SDC3: variants seen among roughly 807,000 people sequenced by gnomAD.
SDC3 encodes syndecan 3, also known as syndecan-3.
In SDC3, 13 loss-of-function variants were observed where a neutral mutation model predicts 24.4. The observed-to-expected ratio is 0.53, with a 90% confidence interval of 0.35 to 0.85. The LOEUF is 0.85. Among genes scored for constraint, SDC3 ranks in the 40% least tolerant of loss-of-function variants. SDC3 has a pLI of 0.01. For missense variants in SDC3, 571 were observed against 584.5 expected, an observed-to-expected ratio of 0.98 and a Z score of 0.24; for synonymous variants, 295 against 260.9, an observed-to-expected ratio of 1.13 and a Z score of -1.26.
rs1639498486 is a variant in SDC3, at chr1:30,869,659, T to C, written c.*3552A>G. ...TTTTTTCCACTGTCTTTTTCTTTTG[T>C]TTTTCTTATTTAAGGTTTTGGCCAT... is the stretch of plus-strand genomic sequence containing the variant. On this transcript the variant is annotated 3_prime_UTR_variant, in exon 5 of 5. Transcript: ENST00000339394. The C allele has an allele frequency of 2.5e-6, 1 of 398,458 alleles. No individual in the cohort carries two copies. Among genetic ancestry groups the C allele is most frequent in the Non-Finnish European group, 4.4e-6 (1 of 226,082 alleles). The allele number at this position is 398,458 out of a possible 1,614,324, so 24.7% of individuals were successfully genotyped here.
At chr1:30,907,561 C>G (rs540599026) in intron 1 of SDC3, among the ~76,000 whole-genome samples, 1 of 152,314 alleles carries the variant, frequency 6.6e-6, no homozygotes, top group South Asian at 2.1e-4. Context: ...CACACCCTCA[C>G]CCACTGCAGC....
chr1:30,896,749 G>A (rs536153029), intron 1 of SDC3, among the ~76,000 whole-genome samples: 1 of 152,250 alleles, frequency 6.6e-6, no homozygotes, highest in East Asian at 1.9e-4. Flanking sequence ...ATCATTTGAG[G>A]CCAGTAGTTC....
In SDC3 at chr1:30,876,974, C is replaced by G; in HGVS notation, c.448G>C (p.Glu150Gln). 3 of 1,613,718 alleles carry G rather than the reference C, an allele frequency of 1.9e-6. No homozygotes were observed. The highest frequency in any genetic ancestry group is 2.5e-6 in the Non-Finnish European group (3 of 1,179,946). Residue 150 changes from glutamate (E) to glutamine (Q), a missense_variant, in exon 3 of 5, where the codon GAA (glutamate) becomes CAA (glutamine). Glu to Gln is a conservative substitution (Grantham distance 29). Transcript: ENST00000339394. ...TSPLVVTEVP[E>Q]EPSQRATTVS... The stretch of plus-strand genomic sequence containing the variant: ...GTGGTGGCTCTCTGGCTGGGCTCTT[C>G]CGGGACTTCTGTCACCACCAGGGGG...
intron 3 of SDC3, among the ~76,000 whole-genome samples, 200 bp from the exon 4 acceptor site, chr1:30,874,788 C>T (rs1319890677): frequency 3.4e-4 from 51 of 152,214 alleles, no homozygotes; most frequent in Admixed American, 3.3e-3. Context: ...ATGACCTGCC[C>T]AAGGACACAC....
At chr1:30,903,203 G>A (rs773030920) in intron 1 of SDC3, among the ~76,000 whole-genome samples, 8 of 152,130 alleles carry the variant, frequency 5.3e-5, no homozygotes, top group African/African-American at 1.2e-4. Context: ...GGAGGAACAC[G>A]GATTTGGCCT....
At position 30,876,712 on chromosome 1, in the gene SDC3, G is replaced by T; in HGVS notation, c.710C>A (p.Ala237Asp). The T allele has an allele frequency of 1.9e-6, 3 of 1,598,276 alleles. No homozygotes were observed. The highest frequency in any genetic ancestry group is 2.6e-6 in the Non-Finnish European group (3 of 1,171,652). Reference sequence around the variant, plus strand: ...TGTTGGGGCCTCGGTGTCCAAGACAGCCGCCGTGGTGGGCGGGGAGGGCGC... The same window carrying T: ...TGTTGGGGCCTCGGTGTCCAAGACATCCGCCGTGGTGGGCGGGGAGGGCGC... ...PEAPSPPTTA[A>D]VLDTEAPTPR... The change falls in exon 3 of 5, where the codon GCT becomes GAT. Residue 237 changes from alanine (A) to aspartate (D), a missense_variant. By Grantham distance (126) the Ala-to-Asp change is moderately radical. Coordinates refer to ENST00000339394, the MANE Select transcript of SDC3 (RefSeq NM_014654.4).
intron 1 of SDC3, among the ~76,000 whole-genome samples, chr1:30,900,837 C>T (rs1014656753): frequency 2.0e-5 from 3 of 151,980 alleles, no homozygotes; most frequent in Non-Finnish European, 4.4e-5. Flanking sequence ...ATGGGGGGGT[C>T]CTAGCTGGCA....
intron 3 of SDC3, among the ~76,000 whole-genome samples, chr1:30,875,484 G>A (rs1292648954): frequency 1.3e-5 from 2 of 152,154 alleles, no homozygotes; most frequent in Admixed American, 1.3e-4. Context: ...GAGTCAGAGG[G>A]ACTGACACTG....
chr1:30,887,285 G>A (rs1639844141), intron 1 of SDC3, among the ~76,000 whole-genome samples: 1 of 151,990 alleles, frequency 6.6e-6, no homozygotes, highest in Non-Finnish European at 1.5e-5. Flanking sequence ...CGCTCCTGGG[G>A]CCCAGGAGTC....
At position 30,893,523 on chromosome 1, in the gene SDC3, G is replaced by A. The variant is rs939956203; in HGVS notation, c.139-14783C>T. Among the ~76,000 whole-genome samples the A allele has an allele frequency of 7.2e-5, 11 of 151,868 alleles. No homozygotes were observed. The East Asian group carries it at 1.4e-3, about 19-fold the overall frequency. On this transcript the variant is annotated intron_variant, in intron 1 of 4. Coordinates refer to ENST00000339394, the MANE Select transcript of SDC3 (RefSeq NM_014654.4). Reference sequence around the variant, plus strand: ...CCAGCACCCTTAATGCCCAGCTCACGCGTCCCCTCCTCATGGAGGCGTCCC... The same window carrying A: ...CCAGCACCCTTAATGCCCAGCTCACACGTCCCCTCCTCATGGAGGCGTCCC...
At position 30,897,707 on chromosome 1, in the gene SDC3, G is replaced by A. The variant is rs148313430; in HGVS notation, c.138+10742C>T. ...GTACTAGATGGGACTCCAGGGGCAG[G>A]CTGCTTGGATTCAAATCCCAGCTGG... On this transcript the variant is annotated intron_variant, in intron 1 of 4. Transcript: ENST00000339394. Among the ~76,000 whole-genome samples, 1,117 of 152,254 alleles carry A rather than the reference G, an allele frequency of 7.3e-3. 7 individuals carry two copies. Among genetic ancestry groups the A allele is most frequent in the Non-Finnish European group, 0.013 (859 of 68,018 alleles).
chr1:30,882,659 A>T (rs1639762970), intron 1 of SDC3, among the ~76,000 whole-genome samples: 1 of 151,588 alleles, frequency 6.6e-6, no homozygotes, highest in Non-Finnish European at 1.5e-5. Flanking sequence ...CCCACTCATC[A>T]CTCACTCTGA....
chr1:30,889,489 T>G (rs1210312001), intron 1 of SDC3, among the ~76,000 whole-genome samples: 2 of 152,200 alleles, frequency 1.3e-5, no homozygotes, highest in Non-Finnish European at 2.9e-5. Flanking sequence ...TGATGCTCCC[T>G]GTCTCCCGTC....
At chr1:30,878,170 T>C (rs1415046380) in intron 2 of SDC3, 3 of 157,688 alleles carry the variant, frequency 1.9e-5, no homozygotes, top group Admixed American at 6.2e-5. Flanking sequence ...AGAGTGGGGT[T>C]CGCGGTGCCC....
chr1:30,888,725 C>T (rs146245472), intron 1 of SDC3, among the ~76,000 whole-genome samples: 120 of 152,300 alleles, frequency 7.9e-4, no homozygotes, highest in African/African-American at 2.7e-3. Flanking sequence ...AGTGGAGATG[C>T]CACTCCCCGC....
At chr1:30,894,646 T>G (rs111474827) in intron 1 of SDC3, among the ~76,000 whole-genome samples, 12 of 25,794 alleles carry the variant, frequency 4.7e-4, no homozygotes, top group East Asian at 3.6e-3. Context: ...TGGGTGTGTG[T>G]GGGGTGTGTG....
In SDC3 at chr1:30,869,580, C is replaced by T. The variant is rs1045619074; in HGVS notation, c.*3631G>A. On this transcript the variant is annotated 3_prime_UTR_variant, in exon 5 of 5. Transcript: ENST00000339394. ...AAAAAAACAAAAACAAAACCAGTTCCTTCACAAGGCTGGAACAGGAGAGTA... is the reference window on the plus strand; with the variant it reads ...AAAAAAACAAAAACAAAACCAGTTCTTTCACAAGGCTGGAACAGGAGAGTA... The T allele has an allele frequency of 1.5e-5, 6 of 397,032 alleles. No individual in the cohort carries two copies. Among genetic ancestry groups the T allele is most frequent in the Admixed American group, 4.4e-5 (1 of 22,602 alleles). 24.6% of individuals were successfully genotyped at this position (397,032 alleles called of 1,614,324 possible). A position where few individuals can be genotyped will look rare whatever the true frequency, so the allele number is the denominator to read the frequency against.
chr1:30,874,625 C>T (rs1327816547), intron 3 of SDC3, 37 bp from the exon 4 acceptor site: 4 of 1,590,864 alleles, frequency 2.5e-6, no homozygotes, highest in African/African-American at 2.7e-5. Flanking sequence ...GACAACCACA[C>T]ATGCATGCAT....
At chr1:30,903,801 T>C (rs551478786) in intron 1 of SDC3, among the ~76,000 whole-genome samples, 3 of 151,950 alleles carry the variant, frequency 2.0e-5, no homozygotes, top group African/African-American at 7.2e-5. Flanking sequence ...CAAGAGGGGG[T>C]AAATTTAGGA....
Sources: gnomAD v4.1 joint callset for allele counts (sites outside exome capture counted in the v4.1 genomes callset) on GRCh38, gnomAD v4.1.1 for gene constraint, MANE v1.5 for transcripts, NCBI Gene and HGNC (gene_info 2026-07-23, HGNC 2026-07-21) for gene names.